IGF2BP2: variants seen among roughly 807,000 people sequenced by gnomAD.
The protein encoded by IGF2BP2 is insulin like growth factor 2 mRNA binding protein 2.
In IGF2BP2, 17 loss-of-function variants were observed where a neutral mutation model predicts 75.8. The observed-to-expected ratio is 0.22, with a 90% confidence interval of 0.15 to 0.34. The LOEUF (loss-of-function observed/expected upper bound fraction) is 0.34, where lower values mean the gene tolerates loss of function less well. IGF2BP2 is among the 10% of genes least tolerant of loss of function. The pLI is 1.00. For missense variants in IGF2BP2, 516 were observed against 772.4 expected (o/e 0.67, Z 3.93); for synonymous variants, 288 against 295.6 (o/e 0.97, Z 0.26).
At position 185,750,736 on chromosome 3, in the gene IGF2BP2, C is replaced by T. The variant is rs1284061093; in HGVS notation, c.240-52389G>A. Among the ~76,000 whole-genome samples, 3 of 152,326 alleles carry T rather than the reference C, an allele frequency of 2.0e-5. No individual in the cohort carries two copies. In the South Asian group the frequency reaches 6.2e-4, roughly 32 times the overall value. On this transcript the variant is annotated intron_variant, in intron 2 of 15. Transcript: ENST00000382199. ...CCTGTATCCCTGTCTCTGCTCCAAT[C>T]CAGACCCCCCTCATATACTGTCATA...
intron 2 of IGF2BP2, among the ~76,000 whole-genome samples, chr3:185,712,257 TA>T (rs1457765267): frequency 6.6e-6 from 1 of 152,198 alleles, no homozygotes; most frequent in Non-Finnish European, 1.5e-5. Context: ...GTGTGAAATG[TA>T]AAATTTGCAA....
At position 185,716,796 on chromosome 3, in the gene IGF2BP2, A is replaced by G. The variant is rs775745039; in HGVS notation, c.240-18449T>C. 4 of 518,862 alleles carry G rather than the reference A, an allele frequency of 7.7e-6. No homozygotes were observed. The East Asian group carries it at 2.2e-4, about 28-fold the overall frequency. The allele number at this position is 518,862 out of a possible 1,614,324, so 32.1% of individuals were successfully genotyped here. A position where few individuals can be genotyped will look rare whatever the true frequency, so the allele number is the denominator to read the frequency against. ...CATTTCCAGGTCATGCCTGGTTAAC[A>G]TTTCACCTTAACTGAGGGGCCAAAG... On this transcript the variant is annotated intron_variant, in intron 2 of 15. Coordinates refer to ENST00000382199, the MANE Select transcript of IGF2BP2 (RefSeq NM_006548.6).
At chr3:185,740,850 A>G (rs1729451977) in intron 2 of IGF2BP2, among the ~76,000 whole-genome samples, 1 of 152,162 alleles carries the variant, frequency 6.6e-6, no homozygotes, top group South Asian at 2.1e-4. Flanking sequence ...AGTTGAGGAA[A>G]TGTTTGCATA....
chr3:185,730,296 T>C (rs1727968005), intron 2 of IGF2BP2, among the ~76,000 whole-genome samples: 1 of 152,216 alleles, frequency 6.6e-6, no homozygotes, highest in African/African-American at 2.4e-5. Context: ...TTCCTTTGTA[T>C]GGCTGCATAG....
chr3:185,729,127 T>G (rs966867944), intron 2 of IGF2BP2, among the ~76,000 whole-genome samples: 2 of 152,172 alleles, frequency 1.3e-5, no homozygotes, highest in Admixed American at 1.3e-4. Context: ...CACAAAAATT[T>G]TGACCCTGGA....
chr3:185,652,658 T>TA (rs1026981676), intron 12 of IGF2BP2, among the ~76,000 whole-genome samples: 41 of 152,142 alleles, frequency 2.7e-4, no homozygotes, highest in African/African-American at 9.4e-4. Flanking sequence ...ACAATTGAGT[T>TA]AGAGTATGTG....
rs1720897779 is a variant in IGF2BP2 at position 185,684,880 on chromosome 3, G to GT, written c.812+2176dup. On this transcript the variant is annotated intron_variant, in intron 7 of 15. Transcript: ENST00000382199. The stretch of plus-strand genomic sequence containing the variant: ...AAGCAGGAACCAAGTCCTGCTCATG[G>GT]TTGTAGCCTCAACCTCCAGCAGTGA... Among the ~76,000 whole-genome samples, 3 of 151,432 alleles carry GT rather than the reference G, an allele frequency of 2.0e-5. No homozygotes were observed. The South Asian group carries it at 6.2e-4, about 31-fold the overall frequency.
intron 2 of IGF2BP2, among the ~76,000 whole-genome samples, chr3:185,810,492 G>A (rs542967026): frequency 2.0e-5 from 3 of 152,308 alleles, no homozygotes; most frequent in African/African-American, 7.2e-5. Context: ...CAGGCAGAAT[G>A]GCCAGGTGCA....
chr3:185,685,126 T>C (rs555222190), intron 7 of IGF2BP2, among the ~76,000 whole-genome samples: 1 of 152,252 alleles, frequency 6.6e-6, no homozygotes, highest in African/African-American at 2.4e-5. Context: ...GGCGGGTGGA[T>C]CACCTGAGGT....
chr3:185,665,489 A>G, intron 10 of IGF2BP2, among the ~76,000 whole-genome samples: 1 of 81,500 alleles, frequency 1.2e-5, no homozygotes, highest in African/African-American at 6.4e-5. Flanking sequence ...AAGAAGGAGG[A>G]GAAGGAGGAG....
chr3:185,708,459 T>C (rs1724358099), intron 2 of IGF2BP2, among the ~76,000 whole-genome samples: 1 of 152,118 alleles, frequency 6.6e-6, no homozygotes, highest in Non-Finnish European at 1.5e-5. Flanking sequence ...CTGTGATAGC[T>C]CACTCTTTGC....
chr3:185,657,187 T>C (rs1715582465), intron 12 of IGF2BP2, 99 bp downstream of exon 12: 2 of 746,228 alleles, frequency 2.7e-6, no homozygotes, highest in East Asian at 4.9e-5. Flanking sequence ...GGACTCTGTC[T>C]CTGCATGGTG....
intron 2 of IGF2BP2, among the ~76,000 whole-genome samples, chr3:185,709,432 C>G (rs1724493760): frequency 6.6e-6 from 1 of 152,228 alleles, no homozygotes; most frequent in Non-Finnish European, 1.5e-5. Context: ...GCACTTGCTG[C>G]TGGGCGCTGG....
chr3:185,654,105 G>A (rs1004431576), intron 12 of IGF2BP2, among the ~76,000 whole-genome samples: 1 of 152,232 alleles, frequency 6.6e-6, no homozygotes, highest in Non-Finnish European at 1.5e-5. Flanking sequence ...CGCTCTGGAA[G>A]GAGGGGCCCC....
intron 2 of IGF2BP2, among the ~76,000 whole-genome samples, chr3:185,796,414 T>C (rs1737385953): frequency 6.6e-6 from 1 of 151,532 alleles, no homozygotes; most frequent in African/African-American, 2.4e-5. Context: ...AATACAAAAA[T>C]TAGCTGGTCA....
chr3:185,772,707 A>C (rs1253088426), intron 2 of IGF2BP2, among the ~76,000 whole-genome samples: 1 of 150,138 alleles, frequency 6.7e-6, no homozygotes, highest in East Asian at 2.0e-4. Flanking sequence ...TCAGCCTCCC[A>C]AGTAGCTGGG....
intron 2 of IGF2BP2, chr3:185,724,670 G>C (rs1047469579): frequency 6.6e-6 from 1 of 152,226 alleles, no homozygotes; most frequent in African/African-American, 2.4e-5. Context: ...GAGTGACAGT[G>C]TTCTAGTGTT....
intron 2 of IGF2BP2, among the ~76,000 whole-genome samples, chr3:185,762,921 A>G (rs1732572212): frequency 6.6e-6 from 1 of 152,236 alleles, no homozygotes; most frequent in Non-Finnish European, 1.5e-5. Flanking sequence ...TTTTTCAACA[A>G]TATGAGAAGA....
intron 1 of IGF2BP2, 21 bp downstream of exon 1, chr3:185,824,762 G>A (rs751433888): frequency 2.6e-5 from 34 of 1,304,160 alleles, no homozygotes; most frequent in Middle Eastern, 2.8e-4. Context: ...GCGGGGGGAG[G>A]GGGCCGCGCT....
Sources: gnomAD v4.1 joint callset for allele counts (sites outside exome capture counted in the v4.1 genomes callset) on GRCh38, gnomAD v4.1.1 for gene constraint, MANE v1.5 for transcripts, NCBI Gene and HGNC (gene_info 2026-07-23, HGNC 2026-07-21) for gene names.